The following COLGALT2 variants were observed in gnomAD, a reference collection of about 807,000 sequenced individuals.
COLGALT2 encodes collagen beta(1-O)galactosyltransferase 2.
COLGALT2 carries 49 observed loss-of-function variants against 73.4 expected under a neutral mutation model. The ratio of observed to expected loss-of-function variants is 0.67; its 90% CI spans 0.53 to 0.85. The LOEUF (loss-of-function observed/expected upper bound fraction) is 0.85, where lower values mean the gene tolerates loss of function less well. COLGALT2 is among the 40% of genes least tolerant of loss of function. The probability of loss-of-function intolerance (pLI) is 0.00; values close to 1 mark genes in which losing one functional copy is unlikely to be tolerated. For missense variants in COLGALT2, 722 were observed against 790.2 expected (o/e 0.91, Z 1.03); for synonymous variants, 295 against 307.6 (o/e 0.96, Z 0.43).
chr1:183,988,583 C>T (rs1027449935), intron 1 of COLGALT2, among the ~76,000 whole-genome samples: 1 of 152,192 alleles, frequency 6.6e-6, no homozygotes, highest in Non-Finnish European at 1.5e-5. Flanking sequence ...TCAATGGAAT[C>T]ATATGATTGT....
chr1:184,013,447 C>A (rs1648878956), intron 1 of COLGALT2, among the ~76,000 whole-genome samples: 1 of 152,030 alleles, frequency 6.6e-6, no homozygotes, highest in South Asian at 2.1e-4. Context: ...AAAAAATAGG[C>A]AAGTGGTGTG....
At chr1:183,944,088 G>GGCTT in intron 10 of COLGALT2, 108 bp downstream of exon 10, 1 of 1,258,898 alleles carries the variant, frequency 7.9e-7, no homozygotes, top group Non-Finnish European at 1.1e-6. Flanking sequence ...CTAGATAAGT[G>GGCTT]GAAGCTTAAG....
At chr1:183,943,416 C>T (rs1329496890) in intron 10 of COLGALT2, among the ~76,000 whole-genome samples, 2 of 150,166 alleles carry the variant, frequency 1.3e-5, no homozygotes, top group African/African-American at 4.9e-5. Context: ...TTGAAAGTGT[C>T]ATTTGTTTTA....
chr1:184,012,449 T>A (rs1648836969), intron 1 of COLGALT2, among the ~76,000 whole-genome samples: 2 of 152,188 alleles, frequency 1.3e-5, no homozygotes, highest in African/African-American at 4.8e-5. Flanking sequence ...AAATTCTTTT[T>A]CTTAAAAGAG....
Position 184,037,102 on chromosome 1 carries a change from C to T in COLGALT2, c.256G>A (p.Ala86Thr), listed in dbSNP as rs1243817006. Residue 86 changes from alanine to threonine, a missense_variant, in exon 1 of 12, where the codon GCC (alanine) becomes ACC (threonine). Ala to Thr is a moderately conservative substitution (Grantham distance 58). Transcript: ENST00000361927. ...GGGCCCGTGCGCGCTCACCAGATGG[C>T]CATCCTGCTCTTGGGGTAGTCCAGC... is the stretch of plus-strand genomic sequence containing the variant. ...ERLDYPKSRM[A>T]IWAATDHNVD... 7.0e-6 allele frequency: 11 copies of T among 1,579,852 alleles called. No homozygotes were observed. The highest frequency in any genetic ancestry group is 1.4e-5 in the African/African-American group (1 of 71,360).
chr1:183,953,840 G>A (rs763162338), intron 7 of COLGALT2, among the ~76,000 whole-genome samples: 1 of 152,118 alleles, frequency 6.6e-6, no homozygotes, highest in African/African-American at 2.4e-5. Context: ...CAGTTCTAGC[G>A]TCAAATCCCT....
At chr1:183,979,453 T>G (rs540422867) in intron 1 of COLGALT2, among the ~76,000 whole-genome samples, 114 of 152,228 alleles carry the variant, frequency 7.5e-4, no homozygotes, top group African/African-American at 2.7e-3. Flanking sequence ...ATACAAAGTA[T>G]GAATATCTAT....
Position 183,952,400 on chromosome 1 carries a change from A to C in COLGALT2, c.1030-1287T>G, listed in dbSNP as rs565449028. On this transcript the variant is annotated intron_variant, in intron 7 of 11. Coordinates refer to ENST00000361927, the MANE Select transcript of COLGALT2 (RefSeq NM_015101.4). ...GTTCTATAAAAATAGGGAGGTGCAC[A>C]AACTCATCTTTCAAATTCAGTACAG... Among the ~76,000 whole-genome samples, 18 of 152,298 alleles carry C rather than the reference A, an allele frequency of 1.2e-4. No homozygotes were observed. The South Asian group carries it at 3.7e-3, about 32-fold the overall frequency.
At chr1:184,018,643 C>G (rs1458110863) in intron 1 of COLGALT2, among the ~76,000 whole-genome samples, 2 of 151,992 alleles carry the variant, frequency 1.3e-5, no homozygotes, top group Admixed American at 6.5e-5. Context: ...CTTTTTTTAC[C>G]TTGAAAATCT....
intron 1 of COLGALT2, among the ~76,000 whole-genome samples, chr1:184,005,801 C>G (rs1390854443): frequency 1.3e-5 from 2 of 152,174 alleles, no homozygotes; most frequent in Admixed American, 6.5e-5. Flanking sequence ...CATGAGTTCA[C>G]AGATGAGGCC....
rs1475593510 is a variant in COLGALT2, at chr1:183,954,742, C to T, written c.1029+20G>A. On this transcript the variant is annotated intron_variant, in intron 7 of 11. Transcript: ENST00000361927. ...CTGCACACGCGTGCATGTGCACACA[C>T]ATATAGACACCTTTCCTACCTCATC... 6.3e-7 allele frequency: 1 copy of T among 1,584,738 alleles called. No individual in the cohort carries two copies. The highest frequency in any genetic ancestry group is 8.7e-7 in the Non-Finnish European group (1 of 1,153,670).
At chr1:183,997,931 A>G (rs1273746881) in intron 1 of COLGALT2, among the ~76,000 whole-genome samples, 2 of 152,208 alleles carry the variant, frequency 1.3e-5, no homozygotes, top group African/African-American at 4.8e-5. Flanking sequence ...GACATTTAGC[A>G]TATTTCCAGA....
intron 1 of COLGALT2, among the ~76,000 whole-genome samples, chr1:184,016,763 TA>T (rs1006999592): frequency 6.6e-6 from 1 of 152,200 alleles, no homozygotes; most frequent in African/African-American, 2.4e-5. Context: ...ATAATATTTT[TA>T]AAAGCTGAGT....
At chr1:183,953,585 A>AAG (rs1490914861) in intron 7 of COLGALT2, among the ~76,000 whole-genome samples, 3 of 152,140 alleles carry the variant, frequency 2.0e-5, no homozygotes, top group African/African-American at 7.2e-5. Flanking sequence ...AGCTACAGTA[A>AAG]CATGTGGAAG....
At position 183,962,272 on chromosome 1, in the gene COLGALT2, G is replaced by A. The variant is rs570843309; in HGVS notation, c.952+1629C>T. On this transcript the variant is annotated intron_variant, in intron 6 of 11. Transcript: ENST00000361927. ...CCTCCTGGGTTCAAGCAATTCTCCT[G>A]CCTCAGCCTTCCGAGTAACTGGGAC... Among the ~76,000 whole-genome samples the A allele has an allele frequency of 1.5e-4, 21 of 142,280 alleles. No homozygotes were observed. In the East Asian group the frequency reaches 4.6e-3, roughly 31 times the overall value. 93.3% of individuals were successfully genotyped at this position (142,280 alleles called of 152,430 possible).
chr1:184,027,896 A>G (rs754759467), intron 1 of COLGALT2, among the ~76,000 whole-genome samples: 5 of 152,208 alleles, frequency 3.3e-5, no homozygotes, highest in Non-Finnish European at 7.3e-5. Context: ...CAATTCCACA[A>G]AATCCATTTG....
chr1:184,015,048 C>T (rs1368156281), intron 1 of COLGALT2, among the ~76,000 whole-genome samples: 1 of 151,444 alleles, frequency 6.6e-6, no homozygotes, highest in East Asian at 1.9e-4. Context: ...GTCCTCAGAA[C>T]TAGAGACTGC....
rs1453161989 is a variant in COLGALT2, at chr1:184,037,354, C to A, written c.4G>T (p.Ala2Ser). The A allele has an allele frequency of 6.8e-7, 1 of 1,464,870 alleles. No individual in the cohort carries two copies. Among genetic ancestry groups the A allele is most frequent in the Admixed American group, 2.4e-5 (1 of 42,348 alleles). 90.7% of individuals were successfully genotyped at this position (1,464,870 alleles called of 1,614,324 possible). A position where few individuals can be genotyped will look rare whatever the true frequency, so the allele number is the denominator to read the frequency against. Residue 2 changes from alanine to serine, a missense_variant, in exon 1 of 12, where the codon GCT (alanine) becomes TCT (serine). Physicochemically the swap from Ala to Ser is moderately conservative, Grantham distance 99 (BLOSUM62 1). Coordinates refer to ENST00000361927, the MANE Select transcript of COLGALT2 (RefSeq NM_015101.4). M[A>S]ARPAATLAWS... ...GCGAGGGTGGCAGCAGGGCGCGCAGCCATGTTCCGGGCCGAGGCGGGCGGC... is the reference window on the plus strand; with the variant it reads ...GCGAGGGTGGCAGCAGGGCGCGCAGACATGTTCCGGGCCGAGGCGGGCGGC...
chr1:184,037,229 C>T lies in COLGALT2; in HGVS notation c.129G>A (p.Val43=). Residue 43 remains valine (V), a synonymous_variant, in exon 1 of 12, where the codon GTG becomes GTA. Transcript: ENST00000361927. ...TCTGCAGGGGCGACTCCGGGAAAAC[C>T]ACCGGCTCCTCTCCGTCGTCCTCCG... ...RDSEDDGEEP[V]VFPESPLQSP... is the part of the protein sequence containing the mutation. 1 of 1,597,920 alleles carries T rather than the reference C, an allele frequency of 6.3e-7. No homozygotes were observed. Among genetic ancestry groups the T allele is most frequent in the Non-Finnish European group, 8.5e-7 (1 of 1,174,136 alleles).
Sources: gnomAD v4.1 joint callset for allele counts (sites outside exome capture counted in the v4.1 genomes callset) on GRCh38, gnomAD v4.1.1 for gene constraint, MANE v1.5 for transcripts, NCBI Gene and HGNC (gene_info 2026-07-23, HGNC 2026-07-21) for gene names.